MGAT4C: variants seen among roughly 807,000 people sequenced by gnomAD.
MGAT4C encodes the protein alpha-1,3-mannosyl-glycoprotein 4-beta-N-acetylglucosaminyltransferase C.
Under a neutral mutation model 40.1 loss-of-function variants are expected in MGAT4C, and 19 were observed. The observed-to-expected ratio is 0.47, with a 90% CI of 0.33 to 0.70. The LOEUF is 0.70. Ranked by LOEUF, MGAT4C falls within the 30% of genes least tolerant of loss-of-function variation. The pLI, the probability that MGAT4C is intolerant of heterozygous loss-of-function variation, is 0.02. For synonymous variants in MGAT4C, 181 were observed against 187.1 expected, an observed-to-expected ratio of 0.97 and a Z score of 0.27; for missense variants, 491 against 563.2, an observed-to-expected ratio of 0.87 and a Z score of 1.30.
chr12:86,836,163 G>A (rs560401988), intron 1 of MGAT4C, among the ~76,000 whole-genome samples: 1 of 152,058 alleles, frequency 6.6e-6, no homozygotes, highest in South Asian at 2.1e-4. Flanking sequence ...CCTATTTTCT[G>A]TCTACTATAA....
At chr12:86,195,600 C>A (rs904913362) in intron 1 of MGAT4C, among the ~76,000 whole-genome samples, 10 of 152,096 alleles carry the variant, frequency 6.6e-5, no homozygotes, top group Non-Finnish European at 1.2e-4. Context: ...AGCACTGATT[C>A]TATCACACAC....
At chr12:86,245,733 T>C (rs773412023) in intron 1 of MGAT4C, among the ~76,000 whole-genome samples, 1 of 152,168 alleles carries the variant, frequency 6.6e-6, no homozygotes, top group Non-Finnish European at 1.5e-5. Flanking sequence ...GTTACTTTGT[T>C]TTTCAAACTA....
intron 1 of MGAT4C, among the ~76,000 whole-genome samples, chr12:86,149,716 A>T (rs868120745): frequency 1.3e-5 from 2 of 152,198 alleles, no homozygotes; most frequent in Admixed American, 1.3e-4. Flanking sequence ...TAATTCTTCA[A>T]CAGGGGTCTC....
At chr12:86,628,546 T>A (rs945436793) in intron 2 of MGAT4C, among the ~76,000 whole-genome samples, 2 of 152,216 alleles carry the variant, frequency 1.3e-5, no homozygotes, top group Non-Finnish European at 2.9e-5. Flanking sequence ...ATAGCAGATC[T>A]GTCGGCAGAA....
chr12:86,729,271 C>T (rs1244432346), intron 1 of MGAT4C, among the ~76,000 whole-genome samples: 2 of 152,008 alleles, frequency 1.3e-5, no homozygotes, highest in Non-Finnish European at 2.9e-5. Flanking sequence ...ACCCCAGTTA[C>T]CCTGGTGTGA....
chr12:86,730,553 C>T (rs1411681152), intron 1 of MGAT4C, among the ~76,000 whole-genome samples: 1 of 151,980 alleles, frequency 6.6e-6, no homozygotes, highest in Non-Finnish European at 1.5e-5. Flanking sequence ...GAAATAGTGT[C>T]TCTGTGCAAA....
chr12:85,991,923 G>A (rs1885988140), intron 2 of MGAT4C, among the ~76,000 whole-genome samples: 1 of 152,170 alleles, frequency 6.6e-6, no homozygotes, highest in South Asian at 2.1e-4. Flanking sequence ...CCATCCTGAT[G>A]ACAATATGGC....
intron 2 of MGAT4C, among the ~76,000 whole-genome samples, chr12:86,665,917 A>G (rs1269034384): frequency 6.6e-6 from 1 of 152,164 alleles, no homozygotes; most frequent in Non-Finnish European, 1.5e-5. Flanking sequence ...TAGTTTCAAG[A>G]AGCACAAAAA....
chr12:86,656,470 C>T (rs1963853237), intron 2 of MGAT4C, among the ~76,000 whole-genome samples: 1 of 152,016 alleles, frequency 6.6e-6, no homozygotes, highest in Non-Finnish European at 1.5e-5. Flanking sequence ...TCTCAAACCC[C>T]TATGCTTTAT....
upstream of MGAT4C, among the ~76,000 whole-genome samples, chr12:86,260,379 T>C (rs1353908693): frequency 6.6e-6 from 1 of 152,160 alleles, no homozygotes; most frequent in African/African-American, 2.4e-5. Context: ...AGCTATGTGG[T>C]TACTTAGGGC....
At chr12:86,641,616 C>T (rs1032653199) in intron 2 of MGAT4C, among the ~76,000 whole-genome samples, 4 of 151,698 alleles carry the variant, frequency 2.6e-5, no homozygotes, top group African/African-American at 4.8e-5. Context: ...GTGACGGTGC[C>T]GATTTTGATT....
Position 85,979,434 on chromosome 12 carries a change from C to A in MGAT4C, c.1292G>T (p.Arg431Ile). Residue 431 changes from arginine (R) to isoleucine (I), a missense_variant, in exon 5 of 5, where the codon AGA becomes ATA. Physicochemically the swap from Arg to Ile is moderately conservative, Grantham distance 97 (BLOSUM62 -3). Transcript: ENST00000611864. ...KQRRQCSTYL[R>I]LGEFKNGNFE... ...GTTTCCATTTTTGAATTCTCCTAGT[C>A]TTAAGTAAGTAGAACATTGTCTCCT... The A allele has an allele frequency of 6.2e-7, 1 of 1,613,322 alleles. No homozygotes were observed. The highest frequency in any genetic ancestry group is 8.5e-7 in the Non-Finnish European group (1 of 1,179,578).
At chr12:86,217,712 T>C (rs1451746574) in intron 1 of MGAT4C, among the ~76,000 whole-genome samples, 1 of 152,192 alleles carries the variant, frequency 6.6e-6, no homozygotes, top group Non-Finnish European at 1.5e-5. Flanking sequence ...AACAACTCTA[T>C]ATGCAAATAT....
chr12:86,691,341 T>C (rs935862543), intron 2 of MGAT4C, among the ~76,000 whole-genome samples: 5 of 151,324 alleles, frequency 3.3e-5, no homozygotes, highest in Non-Finnish European at 5.9e-5. Flanking sequence ...ATAAAAGTTC[T>C]TTTCCCTTTG....
At chr12:86,257,276 G>A (rs1952548248), upstream of MGAT4C, among the ~76,000 whole-genome samples, 1 of 152,158 alleles carries the variant, frequency 6.6e-6, no homozygotes. Context: ...TAAGCTGGTT[G>A]CAGCAGCTTG....
At chr12:86,783,447 G>A (rs940199543) in intron 1 of MGAT4C, among the ~76,000 whole-genome samples, 4 of 152,034 alleles carry the variant, frequency 2.6e-5, no homozygotes, top group Non-Finnish European at 4.4e-5. Flanking sequence ...TGAACTCATA[G>A]AGCTTCTTAT....
rs1372400270 is a variant in MGAT4C at position 85,971,892 on chromosome 12, T to C, written c.*7397A>G. 6.6e-6 allele frequency: 1 copy of C among 151,238 alleles called. No homozygotes were observed. The highest frequency in any genetic ancestry group is 1.5e-5 in the Non-Finnish European group (1 of 67,348). 9.4% of individuals were successfully genotyped at this position (151,238 alleles called of 1,614,324 possible). On this transcript the variant is annotated 3_prime_UTR_variant, in exon 5 of 5. Coordinates refer to ENST00000611864, the MANE Select transcript of MGAT4C (RefSeq NM_001351288.2). ...CACAATAATTGAAAGGAGTACTTTGTCAATAGTCAGAATTGAATGAGAGAT... is the reference window on the plus strand; with the variant it reads ...CACAATAATTGAAAGGAGTACTTTGCCAATAGTCAGAATTGAATGAGAGAT...
At chr12:86,414,580 A>C (rs1319733721) in intron 3 of MGAT4C, among the ~76,000 whole-genome samples, 1 of 107,598 alleles carries the variant, frequency 9.3e-6, no homozygotes, top group African/African-American at 3.6e-5. Context: ...TAGGTGTTTT[A>C]AAACAATCGT....
At chr12:86,621,831 T>C (rs1052334723) in intron 2 of MGAT4C, among the ~76,000 whole-genome samples, 5 of 152,220 alleles carry the variant, frequency 3.3e-5, no homozygotes, top group Admixed American at 1.3e-4. Context: ...AAAAGCCATA[T>C]GCATTTTAGA....
Sources: gnomAD v4.1 joint callset for allele counts (sites outside exome capture counted in the v4.1 genomes callset) on GRCh38, gnomAD v4.1.1 for gene constraint, MANE v1.5 for transcripts, NCBI Gene and HGNC (gene_info 2026-07-23, HGNC 2026-07-21) for gene names.